MGAT5: variants seen among roughly 807,000 people sequenced by gnomAD.
The protein encoded by MGAT5 is alpha-1,6-mannosylglycoprotein 6-beta-N-acetylglucosaminyltransferase.
In MGAT5, 30 loss-of-function variants were observed where a neutral mutation model predicts 94.3. The observed-to-expected ratio is 0.32, with a 90% CI of 0.24 to 0.43. MGAT5 has a LOEUF of 0.43. MGAT5 is among the 20% of genes least tolerant of loss of function. The pLI is 1.00. For synonymous variants in MGAT5, 310 were observed against 322.9 expected (o/e 0.96, Z 0.43); for missense variants, 691 against 905.5 (o/e 0.76, Z 3.04).
At chr2:134,381,603 TAGAC>T (rs146100225) in intron 10 of MGAT5, among the ~76,000 whole-genome samples, 1,716 of 151,202 alleles carry the variant, frequency 0.011, 30 homozygotes, top group African/African-American at 0.039. Context: ...CTAAAATAGA[TAGAC>T]AGACAGACAG....
intron 4 of MGAT5, chr2:134,319,532 T>TA (rs1687197739): frequency 1.3e-5 from 2 of 156,962 alleles, no homozygotes; most frequent in African/African-American, 4.8e-5. Flanking sequence ...AGAAACAACA[T>TA]AGGGAAAGTT....
chr2:134,144,682 CATATTT>C (rs755167613), intron 1 of MGAT5, among the ~76,000 whole-genome samples: 4 of 152,136 alleles, frequency 2.6e-5, no homozygotes, highest in Admixed American at 1.3e-4. Flanking sequence ...AAACTGTACT[CATATTT>C]ATAAGTTGGC....
At chr2:134,174,609 C>T (rs1412770161) in intron 1 of MGAT5, among the ~76,000 whole-genome samples, 1 of 152,204 alleles carries the variant, frequency 6.6e-6, no homozygotes, top group Non-Finnish European at 1.5e-5. Flanking sequence ...TGACATTTTC[C>T]TGTTGGCATC....
intron 1 of MGAT5, among the ~76,000 whole-genome samples, chr2:134,241,166 T>A (rs1681951083): frequency 6.6e-6 from 1 of 152,240 alleles, no homozygotes; most frequent in African/African-American, 2.4e-5. Context: ...TCTGCCCATA[T>A]AACCCGTGGG....
At chr2:134,323,043 G>A (rs1687425199) in intron 4 of MGAT5, among the ~76,000 whole-genome samples, 1 of 152,160 alleles carries the variant, frequency 6.6e-6, no homozygotes, top group Admixed American at 6.6e-5. Flanking sequence ...TTAAGAGATG[G>A]TACTCTTCCT....
Position 134,349,839 on chromosome 2 carries a change from G to C in MGAT5, c.1147G>C (p.Glu383Gln), listed in dbSNP as rs1285872728. ...CCGAGTCCTTGATTCATTTGGTACT[G>C]AACCCGAATTTAATCATGCAAATTA... ...MLRVLDSFGT[E>Q]PEFNHANYAQ... The change falls in exon 9 of 16, where the codon GAA becomes CAA. Residue 383 changes from glutamate to glutamine, a missense_variant. Physicochemically the swap from Glu to Gln is conservative, Grantham distance 29. Transcript: ENST00000281923. The C allele has an allele frequency of 4.3e-6, 7 of 1,613,544 alleles. No homozygotes were observed. The highest frequency in any genetic ancestry group is 4.5e-5 in the East Asian group (2 of 44,856).
intron 10 of MGAT5, among the ~76,000 whole-genome samples, chr2:134,365,136 A>G (rs1011471949): frequency 6.6e-6 from 1 of 152,138 alleles, no homozygotes; most frequent in East Asian, 1.9e-4. Context: ...GGAGGGCACA[A>G]TTTGGACCAG....
intron 12 of MGAT5, 36 bp downstream of exon 12, chr2:134,413,051 T>TA: frequency 6.2e-7 from 1 of 1,608,460 alleles, no homozygotes; most frequent in Non-Finnish European, 8.5e-7. Context: ...TTTTGAATAA[T>TA]ATGAATAATA....
intron 2 of MGAT5, among the ~76,000 whole-genome samples, chr2:134,287,532 G>A (rs1375363545): frequency 6.6e-6 from 1 of 152,152 alleles, no homozygotes; most frequent in African/African-American, 2.4e-5. Context: ...GCTGGCAGCT[G>A]CTGGGCCACC....
At chr2:134,129,587 C>T in intron 1 of MGAT5, among the ~76,000 whole-genome samples, 1 of 151,974 alleles carries the variant, frequency 6.6e-6, no homozygotes, top group East Asian at 1.9e-4. Context: ...GTTCTTCTCC[C>T]CTTTGAACAT....
At chr2:134,271,236 T>TC (rs1453422646) in intron 2 of MGAT5, among the ~76,000 whole-genome samples, 32 of 145,244 alleles carry the variant, frequency 2.2e-4, no homozygotes, top group African/African-American at 8.5e-4. Context: ...TCCCCGCAAC[T>TC]CCCCCACCAT....
intron 10 of MGAT5, among the ~76,000 whole-genome samples, chr2:134,373,551 G>GT (rs1254048485): frequency 1.3e-5 from 2 of 152,166 alleles, no homozygotes; most frequent in Non-Finnish European, 2.9e-5. Context: ...AATACAGCTT[G>GT]TAGGAAAACA....
chr2:134,232,349 G>A (rs1277948393), intron 1 of MGAT5, among the ~76,000 whole-genome samples: 1 of 152,054 alleles, frequency 6.6e-6, no homozygotes, highest in South Asian at 2.1e-4. Context: ...GCCATTTGGT[G>A]GTGGTTCTTA....
At chr2:134,237,403 T>C (rs1681705091) in intron 1 of MGAT5, among the ~76,000 whole-genome samples, 1 of 152,192 alleles carries the variant, frequency 6.6e-6, no homozygotes, top group Non-Finnish European at 1.5e-5. Context: ...TGGGAAGTTT[T>C]CTTTTTAAAT....
chr2:134,251,444 G>A (rs535168030), upstream of MGAT5, among the ~76,000 whole-genome samples: 38 of 152,292 alleles, frequency 2.5e-4, no homozygotes, highest in African/African-American at 8.9e-4. Context: ...TGCCCTAGGC[G>A]ACATATTCAT....
At chr2:134,363,764 G>A (rs537372934) in intron 10 of MGAT5, among the ~76,000 whole-genome samples, 1 of 152,346 alleles carries the variant, frequency 6.6e-6, no homozygotes, top group East Asian at 1.9e-4. Context: ...TAAAATGAAA[G>A]TCAGTCTAGA....
chr2:134,228,467 G>GT (rs1681177884), intron 1 of MGAT5, among the ~76,000 whole-genome samples: 2 of 152,194 alleles, frequency 1.3e-5, no homozygotes, highest in Admixed American at 1.3e-4. Context: ...TTTTCCAGAT[G>GT]TTTTTGACTC....
chr2:134,120,658 G>A (rs543309479), intron 1 of MGAT5, among the ~76,000 whole-genome samples: 2 of 151,928 alleles, frequency 1.3e-5, no homozygotes, highest in African/African-American at 2.4e-5. Context: ...GGCGAGCGGC[G>A]GGGGATGGCA....
chr2:134,390,766 A>G (rs192959771), intron 10 of MGAT5, among the ~76,000 whole-genome samples: 4 of 152,128 alleles, frequency 2.6e-5, no homozygotes, highest in African/African-American at 9.7e-5. Context: ...TAAGTGAAAT[A>G]TAATGGTCAC....
Sources: allele counts gnomAD v4.1 joint callset (sites outside exome capture counted in the v4.1 genomes callset), GRCh38; gene constraint gnomAD v4.1.1; transcripts MANE v1.5; gene names NCBI Gene and HGNC (gene_info 2026-07-23, HGNC 2026-07-21).